Variants in ZFHX3 observed in about 807,000 individuals in gnomAD.
ZFHX3 encodes zinc finger homeobox protein 3.
ZFHX3 carries 42 observed loss-of-function variants against 279.1 expected under a neutral mutation model. That is an observed-to-expected ratio of 0.15 (90% CI 0.12 to 0.19). The LOEUF (loss-of-function observed/expected upper bound fraction) is 0.19. Among genes scored for constraint, ZFHX3 ranks in the 10% least tolerant of loss-of-function variants. The pLI is 1.00. For synonymous variants in ZFHX3, 2,293 were observed against 1,957.8 expected (o/e 1.17, Z -4.52); for missense variants, 4,981 against 4,754.0 (o/e 1.05, Z -1.40).
chr16:72,795,310 C>T lies in ZFHX3; in HGVS notation c.7372G>A (p.Glu2458Lys). The change falls in exon 9 of 10, where the codon GAG becomes AAG. Residue 2458 changes from glutamate to lysine, a missense_variant. Coordinates refer to ENST00000268489, the MANE Select transcript of ZFHX3 (RefSeq NM_006885.4). ...GTGTTGGTCTTCTGCTCGGGCTGCT[C>T]TTGCTGCTGCAGCTCTGGCTTTGGT... ...GQPKPELQQQ[E>K]QPEQKTNTPQ... The T allele has an allele frequency of 6.2e-7, 1 of 1,614,038 alleles. No individual in the cohort carries two copies. The highest frequency in any genetic ancestry group is 8.5e-7 in the Non-Finnish European group (1 of 1,180,016).
intron 1 of ZFHX3, among the ~76,000 whole-genome samples, chr16:72,971,146 A>G (rs1407415497): frequency 6.6e-6 from 1 of 152,184 alleles, no homozygotes; most frequent in East Asian, 1.9e-4. Flanking sequence ...AATTTTTCCT[A>G]TGCCATTCAA....
rs898824958 is a variant in ZFHX3, at chr16:73,008,435, T to TA, written c.-50+39316dup. ...TGAAAGGAGATGAAACTCTGGCAAA[T>TA]AAAAAAAAACCTTTTAAATAGAAAA... On this transcript the variant is annotated intron_variant, in intron 1 of 9. Transcript: ENST00000268489. Among the ~76,000 whole-genome samples the TA allele has an allele frequency of 1.3e-4, 19 of 151,076 alleles. 1 individual carries two copies. The highest frequency in any genetic ancestry group is 7.8e-4 in the East Asian group (4 of 5,158).
chr16:73,303,254 C>T (rs1393481634), intron 4 of ZFHX3, among the ~76,000 whole-genome samples: 1 of 152,100 alleles, frequency 6.6e-6, no homozygotes, highest in Non-Finnish European at 1.5e-5. Context: ...TCTTGAACTC[C>T]TAGCTCCAAG....
At chr16:73,308,322 G>A (rs898973348) in intron 4 of ZFHX3, among the ~76,000 whole-genome samples, 6 of 134,650 alleles carry the variant, frequency 4.5e-5, no homozygotes, top group Non-Finnish European at 9.7e-5. Context: ...TTGTCACCCA[G>A]GCTGGAGTGC....
intron 3 of ZFHX3, among the ~76,000 whole-genome samples, chr16:72,932,653 CAAAAAAAAAA>C (rs3079316): frequency 3.9e-5 from 4 of 103,266 alleles, no homozygotes; most frequent in Non-Finnish European, 8.0e-5. Flanking sequence ...TGCTCCGCAC[CAAAAAAAAAA>C]AAAAAAAAAA....
intron 5 of ZFHX3, among the ~76,000 whole-genome samples, chr16:73,188,604 T>C (rs2144886174): frequency 6.6e-6 from 1 of 152,338 alleles, no homozygotes; most frequent in East Asian, 1.9e-4. Context: ...TGAAGTCACC[T>C]GCCCTTATTT....
In ZFHX3 at chr16:73,301,176, G is replaced by A. The variant is rs532532334; in HGVS notation, c.-1194+17064C>T. Among the ~76,000 whole-genome samples the A allele has an allele frequency of 2.6e-5, 4 of 152,300 alleles. No individual in the cohort carries two copies. In the South Asian group the frequency reaches 8.3e-4, roughly 32 times the overall value. ...AATTCTTGGGGCCATCCCTACAGAG[G>A]TTGGTTTAGGAGGACTTGGGCAGTT... is the stretch of plus-strand genomic sequence containing the variant. On this transcript the variant is annotated intron_variant, in intron 4 of 17. Coordinates refer to the ZFHX3 transcript ENST00000641206.
intron 3 of ZFHX3, among the ~76,000 whole-genome samples, chr16:73,424,055 A>G (rs1336994081): frequency 6.6e-6 from 1 of 152,188 alleles, no homozygotes; most frequent in Non-Finnish European, 1.5e-5. Flanking sequence ...GGTGACATCA[A>G]TGAGCCACTG....
chr16:73,588,682 T>G (rs1302859696), intron 2 of ZFHX3, among the ~76,000 whole-genome samples: 1 of 138,378 alleles, frequency 7.2e-6, no homozygotes. Flanking sequence ...AGAGTGAGAC[T>G]CGGTCTCAAA....
At chr16:73,458,610 G>A (rs1026499368) in intron 2 of ZFHX3, among the ~76,000 whole-genome samples, 1 of 152,020 alleles carries the variant, frequency 6.6e-6, no homozygotes, top group Non-Finnish European at 1.5e-5. Context: ...CACTCACCTC[G>A]GCTTACACCT....
intron 3 of ZFHX3, among the ~76,000 whole-genome samples, chr16:73,342,317 C>T (rs1470970781): frequency 6.6e-6 from 1 of 152,164 alleles, no homozygotes; most frequent in Non-Finnish European, 1.5e-5. Context: ...TTTAGGAATT[C>T]ACCTAGGTAA....
At chr16:73,779,184 A>G (rs891477003) in intron 1 of ZFHX3, among the ~76,000 whole-genome samples, 2 of 152,172 alleles carry the variant, frequency 1.3e-5, no homozygotes, top group African/African-American at 2.4e-5. Context: ...GTGCCAAAGT[A>G]TATCTTGGGA....
chr16:72,901,978 T>C (rs771801788), intron 3 of ZFHX3, among the ~76,000 whole-genome samples: 1 of 152,212 alleles, frequency 6.6e-6, no homozygotes, highest in Non-Finnish European at 1.5e-5. Flanking sequence ...GAGCTCAGCA[T>C]GGATTTTACT....
intron 1 of ZFHX3, among the ~76,000 whole-genome samples, chr16:73,688,539 C>T (rs79671108): frequency 0.033 from 5,055 of 152,092 alleles, 251 homozygotes; most frequent in African/African-American, 0.1. Flanking sequence ...AGTGCAAAGG[C>T]GCCCTGTATG....
At chr16:73,308,867 A>G (rs1378677641) in intron 4 of ZFHX3, among the ~76,000 whole-genome samples, 1 of 150,650 alleles carries the variant, frequency 6.6e-6, no homozygotes, top group Non-Finnish European at 1.5e-5. Flanking sequence ...AAATATATAG[A>G]TATGTAAGTT....
rs991820944 is a variant in ZFHX3, at chr16:73,506,185, G to A, written c.-1546-49927C>T. Among the ~76,000 whole-genome samples the A allele has an allele frequency of 7.2e-5, 11 of 152,280 alleles. No individual in the cohort carries two copies. In the South Asian group the frequency reaches 2.1e-3, roughly 29 times the overall value. ...GATCTTGCAGTCTCCTAAGTCATGC[G>A]CCTGGTCAGATCTGAAATGCCTAGA... On this transcript the variant is annotated intron_variant, in intron 2 of 17. Transcript: ENST00000641206.
chr16:73,417,952 G>A (rs914236530), intron 3 of ZFHX3, among the ~76,000 whole-genome samples: 12 of 126,852 alleles, frequency 9.5e-5, no homozygotes, highest in Non-Finnish European at 3.1e-5. Flanking sequence ...TCGCGCCACT[G>A]CACTCCAGCC....
At chr16:73,212,236 A>G (rs2012046406) in intron 5 of ZFHX3, among the ~76,000 whole-genome samples, 1 of 152,044 alleles carries the variant, frequency 6.6e-6, no homozygotes, top group African/African-American at 2.4e-5. Context: ...ACAACTTATT[A>G]GCCTGTTTTC....
intron 3 of ZFHX3, among the ~76,000 whole-genome samples, chr16:72,924,757 A>T (rs1959350961): frequency 6.6e-6 from 1 of 152,232 alleles, no homozygotes; most frequent in Non-Finnish European, 1.5e-5. Context: ...TAGAGCAAGG[A>T]GAATTAGTTA....
Sources: gnomAD v4.1 joint callset for allele counts (sites outside exome capture counted in the v4.1 genomes callset) on GRCh38, gnomAD v4.1.1 for gene constraint, MANE v1.5 for transcripts, NCBI Gene and HGNC (gene_info 2026-07-23, HGNC 2026-07-21) for gene names.